Variants in NARS2 observed in about 807,000 individuals in gnomAD.
NARS2 encodes asparaginyl-tRNA synthetase.
In NARS2, 60 loss-of-function variants were observed where a neutral mutation model predicts 62.9. The observed-to-expected ratio is 0.95, with a 90% confidence interval of 0.77 to 1.18. NARS2 has a LOEUF of 1.18. Among genes scored for constraint, NARS2 ranks in the 50% most tolerant of loss-of-function variants. The probability of loss-of-function intolerance (pLI) is 0.00; values close to 1 mark genes in which losing one functional copy is unlikely to be tolerated. For synonymous variants in NARS2, 196 were observed against 200.0 expected (o/e 0.98, Z 0.17); for missense variants, 619 against 576.4 (o/e 1.07, Z -0.76).
chr11:78,532,268 A>T (rs1274474354), intron 5 of NARS2, among the ~76,000 whole-genome samples: 4 of 152,220 alleles, frequency 2.6e-5, no homozygotes, highest in African/African-American at 9.6e-5. Flanking sequence ...GGAAAAACTG[A>T]TGAATTTATA....
intron 10 of NARS2, among the ~76,000 whole-genome samples, chr11:78,466,779 C>T (rs1053039698): frequency 1.3e-5 from 2 of 152,080 alleles, no homozygotes; most frequent in South Asian, 2.1e-4. Context: ...CAGTGATGGC[C>T]GGTGACTTCT....
chr11:78,486,237 G>C (rs6592779), intron 7 of NARS2, among the ~76,000 whole-genome samples: 29,148 of 151,970 alleles, frequency 0.19, 3,324 homozygotes, highest in East Asian at 0.42. Flanking sequence ...CAGTCACCTG[G>C]AAATGAATAA....
intron 5 of NARS2, among the ~76,000 whole-genome samples, chr11:78,557,592 C>A (rs907631697): frequency 6.6e-6 from 1 of 152,162 alleles, no homozygotes; most frequent in African/African-American, 2.4e-5. Context: ...TCAATGAATT[C>A]AAGAGTTTCT....
intron 6 of NARS2, among the ~76,000 whole-genome samples, chr11:78,506,818 C>A (rs1405439790): frequency 6.6e-6 from 1 of 152,216 alleles, no homozygotes; most frequent in Non-Finnish European, 1.5e-5. Flanking sequence ...GGATTACAGG[C>A]ATCCGCCACT....
chr11:78,461,842 A>C (rs1858411955), intron 11 of NARS2, among the ~76,000 whole-genome samples: 1 of 151,206 alleles, frequency 6.6e-6, no homozygotes, highest in South Asian at 2.1e-4. Flanking sequence ...AGTCCCAGCT[A>C]CTCGGGAGGC....
chr11:78,523,167 A>C (rs1180287699), intron 6 of NARS2, among the ~76,000 whole-genome samples: 4 of 152,192 alleles, frequency 2.6e-5, no homozygotes, highest in African/African-American at 9.6e-5. Context: ...AATGGCCAAC[A>C]GGCACATGGA....
chr11:78,483,877 T>A (rs1303698827), intron 7 of NARS2, among the ~76,000 whole-genome samples: 1 of 151,908 alleles, frequency 6.6e-6, no homozygotes, highest in East Asian at 1.9e-4. Context: ...TCTTCAGAAT[T>A]AGAAAAAACT....
At chr11:78,454,438 C>T (rs946924994) in intron 11 of NARS2, among the ~76,000 whole-genome samples, 4 of 152,096 alleles carry the variant, frequency 2.6e-5, no homozygotes, top group Admixed American at 1.3e-4. Flanking sequence ...AGACTGACAT[C>T]GCTTCCCTTC....
At chr11:78,537,569 G>A (rs1855406472) in intron 5 of NARS2, among the ~76,000 whole-genome samples, 1 of 152,220 alleles carries the variant, frequency 6.6e-6, no homozygotes, top group African/African-American at 2.4e-5. Context: ...GGCCAAGGTG[G>A]GAGAACTGCT....
intron 6 of NARS2, among the ~76,000 whole-genome samples, chr11:78,502,991 C>CAAAA (rs550751384): frequency 4.8e-5 from 4 of 82,912 alleles, no homozygotes; most frequent in African/African-American, 6.3e-5. Flanking sequence ...GAGACTGTCT[C>CAAAA]AAAAAAAAAA....
At chr11:78,519,619 A>G (rs1175029568) in intron 6 of NARS2, among the ~76,000 whole-genome samples, 1 of 152,226 alleles carries the variant, frequency 6.6e-6, no homozygotes, top group Non-Finnish European at 1.5e-5. Flanking sequence ...ATAGCTGTAC[A>G]GTAATCCATT....
intron 9 of NARS2, 51 bp from the exon 10 acceptor site, chr11:78,469,364 T>C: frequency 7.3e-7 from 1 of 1,365,530 alleles, no homozygotes; most frequent in African/African-American, 1.4e-5. Context: ...ATGGAGCTGC[T>C]AACTAGTTCA....
intron 7 of NARS2, among the ~76,000 whole-genome samples, chr11:78,479,387 T>G (rs1859249813): frequency 6.6e-6 from 1 of 152,148 alleles, no homozygotes; most frequent in Admixed American, 6.5e-5. Flanking sequence ...TGTGCACCTG[T>G]AGTCCCAGAT....
intron 9 of NARS2, among the ~76,000 whole-genome samples, chr11:78,477,879 T>C (rs1288661478): frequency 1.3e-5 from 2 of 152,134 alleles, no homozygotes; most frequent in Non-Finnish European, 2.9e-5. Context: ...GCATCTACAA[T>C]TACGTGAGCC....
chr11:78,499,605 TCAA>T (rs2135350903), intron 6 of NARS2, among the ~76,000 whole-genome samples: 1 of 152,352 alleles, frequency 6.6e-6, no homozygotes, highest in Non-Finnish European at 1.5e-5. Context: ...TTTTGCTCTG[TCAA>T]CAAGAAAATC....
At chr11:78,569,116 T>C (rs1379854330) in intron 2 of NARS2, among the ~76,000 whole-genome samples, 1 of 152,018 alleles carries the variant, frequency 6.6e-6, no homozygotes, top group African/African-American at 2.4e-5. Context: ...TGTCCTATTT[T>C]TGCAATTAAA....
At chr11:78,484,994 AGTGATAGACTGGATACT>A (rs929881319) in intron 7 of NARS2, among the ~76,000 whole-genome samples, 11 of 152,372 alleles carry the variant, frequency 7.2e-5, no homozygotes, top group South Asian at 2.1e-4. Context: ...AATGCCCATC[AGTGATAGACTGGATACT>A]GTGATAGACT....
chr11:78,545,263 T>A (rs1855819315), intron 5 of NARS2, among the ~76,000 whole-genome samples: 1 of 152,160 alleles, frequency 6.6e-6, no homozygotes, highest in South Asian at 2.1e-4. Context: ...AATTCTTTTT[T>A]ACAAAAGTGT....
At chr11:78,495,390 C>T (rs1389221092) in intron 6 of NARS2, among the ~76,000 whole-genome samples, 1 of 152,170 alleles carries the variant, frequency 6.6e-6, no homozygotes, top group Admixed American at 6.5e-5. Flanking sequence ...TCAACTGTCA[C>T]TTCCCCTTTG....
Sources: gnomAD v4.1 joint callset for allele counts (sites outside exome capture counted in the v4.1 genomes callset) on GRCh38, gnomAD v4.1.1 for gene constraint, MANE v1.5 for transcripts, NCBI Gene and HGNC (gene_info 2026-07-23, HGNC 2026-07-21) for gene names.